Variants in GALNT15 observed in about 807,000 individuals in gnomAD.
GALNT15 encodes the protein polypeptide N-acetylgalactosaminyltransferase 15, also known as UDP-GalNAc transferase T15.
GALNT15 carries 67 observed loss-of-function variants against 66.8 expected under a neutral mutation model. The observed-to-expected ratio is 1.00, with a 90% CI of 0.82 to 1.23. The LOEUF is 1.23. Among genes scored for constraint, GALNT15 ranks in the 50% most tolerant of loss-of-function variants. The probability of loss-of-function intolerance (pLI) is 0.00; values close to 1 mark genes in which losing one functional copy is unlikely to be tolerated. For missense variants in GALNT15, 827 were observed against 804.3 expected, an observed-to-expected ratio of 1.03 and a Z score of -0.34; for synonymous variants, 313 against 311.5, an observed-to-expected ratio of 1.00 and a Z score of -0.05.
Position 16,209,855 on chromosome 3 carries a change from G to T in GALNT15, c.1079+1185G>T, listed in dbSNP as rs2063795138. ...AAAACAAAAACAAAATCATTAGGCA[G>T]CAAAAGCTGCCCTGAACTGACATGG... is the stretch of plus-strand genomic sequence containing the variant. On this transcript the variant is annotated intron_variant, in intron 4 of 9. Transcript: ENST00000339732. This position sits in a 1 kb window ranked among gnomAD's most constrained non-coding sequence, Gnocchi z 4.1. 6.6e-6 allele frequency among the ~76,000 whole-genome samples: 1 copy of T among 152,172 alleles called. No individual in the cohort carries two copies. The highest frequency in any genetic ancestry group is 1.5e-5 in the Non-Finnish European group (1 of 68,028).
chr3:16,201,417 G>C (rs1258253131), intron 3 of GALNT15, among the ~76,000 whole-genome samples: 2 of 152,068 alleles, frequency 1.3e-5, no homozygotes, highest in East Asian at 3.9e-4. Context: ...TCCTGACTTC[G>C]TGATCCGCCC....
At chr3:16,214,051 C>G (rs1300473547) in intron 6 of GALNT15, among the ~76,000 whole-genome samples, 1 of 152,234 alleles carries the variant, frequency 6.6e-6, no homozygotes, top group African/African-American at 2.4e-5. Context: ...AGGCTACAGT[C>G]TCCTCTTGGA....
At chr3:16,247,575 T>A in the GALNT15 span, among the ~76,000 whole-genome samples, 9 of 152,324 alleles carry the variant, frequency 5.9e-5, no homozygotes, top group South Asian at 8.3e-4. Context: ...TTGTGAAACC[T>A]GGAGAAGCAC....
chr3:16,217,837 A>G (rs985259594), intron 6 of GALNT15, among the ~76,000 whole-genome samples: 1 of 152,236 alleles, frequency 6.6e-6, no homozygotes, highest in African/African-American at 2.4e-5. Flanking sequence ...GGAAAGGTCT[A>G]CGGAGGTCTC....
In GALNT15 at chr3:16,211,411, T is replaced by C. The variant is rs112021990; in HGVS notation, c.1197+170T>C. On this transcript the variant is annotated intron_variant, in intron 5 of 9. Transcript: ENST00000339732. This position sits in a 1 kb window ranked among gnomAD's most constrained non-coding sequence, Gnocchi z 4.3. Reference sequence around the variant, plus strand: ...ACCTCCCATTTCTCACAGTTTCCCATCTCTCCTGTGCTGTAGCTTGGTTTC... The same window carrying C: ...ACCTCCCATTTCTCACAGTTTCCCACCTCTCCTGTGCTGTAGCTTGGTTTC... Among the ~76,000 whole-genome samples, 2,139 of 152,258 alleles carry C rather than the reference T, an allele frequency of 0.014. 44 individuals carry two copies. Among genetic ancestry groups the C allele is most frequent in the African/African-American group, 0.048 (2,005 of 41,530 alleles).
At chr3:16,179,452 GGGAGACAGTTGCGGAAATGCTTATC>G (rs2063446624) in intron 1 of GALNT15, among the ~76,000 whole-genome samples, 3 of 152,164 alleles carry the variant, frequency 2.0e-5, no homozygotes. Context: ...CGGGTCCATG[GGGAGACAGTTGCGGAAATGCTTATC>G]ACAGCATCCT....
At chr3:16,205,888 T>C (rs1272154854) in intron 3 of GALNT15, among the ~76,000 whole-genome samples, 4 of 152,124 alleles carry the variant, frequency 2.6e-5, no homozygotes, top group Non-Finnish European at 5.9e-5. Flanking sequence ...ATCACTCTTG[T>C]ATACAGTTAA....
rs1439823588 is a variant in GALNT15 at position 16,195,942 on chromosome 3, C to T, written c.706+16C>T. The stretch of plus-strand genomic sequence containing the variant: ...AGCCAGCAAGGTAGCCACGGCTTTC[C>T]TCCAGGCTCGTCTGGGTGAGCCTTA... On this transcript the variant is annotated intron_variant, in intron 2 of 9. Coordinates refer to ENST00000339732, the MANE Select transcript of GALNT15 (RefSeq NM_054110.5). The surrounding 1 kb of genome is among the most constrained non-coding windows in gnomAD (Gnocchi z 4.6). 9 of 1,613,436 alleles carry T rather than the reference C, an allele frequency of 5.6e-6. No homozygotes were observed. The highest frequency in any genetic ancestry group is 6.8e-6 in the Non-Finnish European group (8 of 1,179,592).
intron 8 of GALNT15, among the ~76,000 whole-genome samples, chr3:16,220,789 G>A (rs934730319): frequency 2.0e-5 from 3 of 152,234 alleles, no homozygotes; most frequent in Admixed American, 2.0e-4. Flanking sequence ...GTCCAGCCCT[G>A]CATGGAAGGC....
At chr3:16,212,157 G>T (rs1254782882) in intron 5 of GALNT15, among the ~76,000 whole-genome samples, 1 of 152,168 alleles carries the variant, frequency 6.6e-6, no homozygotes, top group South Asian at 2.1e-4. Flanking sequence ...ACAGCTTCTG[G>T]TGTCTTTGTA....
chr3:16,230,778 C>A (rs1040927224), downstream of GALNT15, among the ~76,000 whole-genome samples: 1 of 152,344 alleles, frequency 6.6e-6, no homozygotes, highest in South Asian at 2.1e-4. The surrounding 1 kb of genome is among the most constrained non-coding windows in gnomAD (Gnocchi z 4.5). Context: ...AAAGCACCTA[C>A]AAGTCCTGCC....
At chr3:16,221,469 A>G (rs1201417580) in intron 8 of GALNT15, among the ~76,000 whole-genome samples, 3 of 152,220 alleles carry the variant, frequency 2.0e-5, no homozygotes, top group East Asian at 3.9e-4. Context: ...GAGGAATTGG[A>G]CATGGGCGAA....
intron 3 of GALNT15, among the ~76,000 whole-genome samples, chr3:16,201,461 G>A (rs1000565214): frequency 3.3e-5 from 5 of 152,106 alleles, no homozygotes; most frequent in East Asian, 1.9e-4. Flanking sequence ...GATTACAGGC[G>A]TGAGCCACCG....
chr3:16,225,885 T>TA lies in GALNT15; in HGVS notation c.1774-1464dup, dbSNP rs2064007372. On this transcript the variant is annotated intron_variant, in intron 9 of 9. Transcript: ENST00000339732. This position sits in a 1 kb window ranked among gnomAD's most constrained non-coding sequence, Gnocchi z 4.4. ...TTTAGTAGAGAAAACCCATCTCTACTAAAAATACAAAAAATTAGCTGGGCA... is the reference window on the plus strand; with the variant it reads ...TTTAGTAGAGAAAACCCATCTCTACTAAAAAATACAAAAAATTAGCTGGGCA... Among the ~76,000 whole-genome samples the TA allele has an allele frequency of 6.6e-6, 1 of 151,370 alleles. No individual in the cohort carries two copies. The highest frequency in any genetic ancestry group is 2.4e-5 in the African/African-American group (1 of 41,204).
At chr3:16,236,649 CA>C (rs1311913483), downstream of GALNT15, among the ~76,000 whole-genome samples, 1 of 151,938 alleles carries the variant, frequency 6.6e-6, no homozygotes, top group Non-Finnish European at 1.5e-5. Flanking sequence ...AACAGAACAG[CA>C]AAAAATAACA....
chr3:16,242,616 A>AAAATT, the GALNT15 span, among the ~76,000 whole-genome samples: 1 of 152,132 alleles, frequency 6.6e-6, no homozygotes, highest in Non-Finnish European at 1.5e-5. This position sits in a 1 kb window ranked among gnomAD's most constrained non-coding sequence, Gnocchi z 5.6. Context: ...AAAATAAAAT[A>AAAATT]AAAGTAAAAT....
rs200118171 is a variant in GALNT15 at position 16,200,619 on chromosome 3, G to A, written c.707G>A (p.Gly236Glu). 8.6e-5 allele frequency: 131 copies of A among 1,530,594 alleles called. No individual in the cohort carries two copies. The highest frequency in any genetic ancestry group is 2.2e-4 in the Admixed American group (11 of 49,078). 94.8% of individuals were successfully genotyped at this position (1,530,594 alleles called of 1,614,324 possible). ...CTGACCACAACCCTGTTGATTCCAG[G>A]ACAACTCAAGTCTGCTCTCAGCGAA... Reference protein sequence around the residue: ...IILVDDLSQQGQLKSALSEYV... With the variant: ...IILVDDLSQQEQLKSALSEYV... Residue 236 changes from glycine (G) to glutamate (E), a missense_variant and splice_region_variant, in exon 3 of 10, where the codon GGA becomes GAA. Transcript: ENST00000339732. This position sits in a 1 kb window ranked among gnomAD's most constrained non-coding sequence, Gnocchi z 4.4.
rs542769088 is a variant in GALNT15 at position 16,227,295 on chromosome 3, C to A, written c.1774-59C>A. 134 of 1,543,648 alleles carry A rather than the reference C, an allele frequency of 8.7e-5. 1 individual carries two copies. In the South Asian group the frequency reaches 1.4e-3, roughly 16 times the overall value. On this transcript the variant is annotated intron_variant, in intron 9 of 9. Coordinates refer to ENST00000339732, the MANE Select transcript of GALNT15 (RefSeq NM_054110.5). The surrounding 1 kb of genome is among the most constrained non-coding windows in gnomAD (Gnocchi z 4.5). ...TTAGCACAAATCTTAAAAATATTTT[C>A]TTTTGCTGACTGATTGTGGGGGACT...
rs771289364 is a variant in GALNT15, at chr3:16,212,561, C to T, written c.1198-8C>T. The stretch of plus-strand genomic sequence containing the variant: ...TGCTGAGGTGTTTATCTTTTCCCTT[C>T]GTGGCAGGCCTGGCTCTGTGGTGGC... On this transcript the variant is annotated splice_region_variant and splice_polypyrimidine_tract_variant and intron_variant, in intron 5 of 9. Coordinates refer to ENST00000339732, the MANE Select transcript of GALNT15 (RefSeq NM_054110.5). 4.4e-6 allele frequency: 7 copies of T among 1,609,016 alleles called. No individual in the cohort carries two copies. The highest frequency in any genetic ancestry group is 2.2e-5 in the East Asian group (1 of 44,774).
Sources: allele counts gnomAD v4.1 joint callset (sites outside exome capture counted in the v4.1 genomes callset), GRCh38; gene constraint gnomAD v4.1.1; non-coding constraint Gnocchi (gnomAD v3.1); transcripts MANE v1.5; gene names NCBI Gene and HGNC (gene_info 2026-07-23, HGNC 2026-07-21).